The following C1GALT1 variants were observed in gnomAD, a reference collection of about 807,000 sequenced individuals.
C1GALT1 encodes core 1 synthase, glycoprotein-N-acetylgalactosamine 3-beta-galactosyltransferase 1.
Under a neutral mutation model 31.0 loss-of-function variants are expected in C1GALT1, and 11 were observed. The observed-to-expected ratio is 0.36, with a 90% CI of 0.22 to 0.59. C1GALT1 has a LOEUF of 0.59. Among genes scored for constraint, C1GALT1 ranks in the 20% least tolerant of loss-of-function variants. The pLI, the probability that C1GALT1 is intolerant of heterozygous loss-of-function variation, is 0.79. For synonymous variants in C1GALT1, 175 were observed against 143.6 expected (o/e 1.22, Z -1.56); for missense variants, 424 against 425.2 (o/e 1.00, Z 0.03).
chr7:7,203,837 C>T (rs982885106), intron 1 of C1GALT1, among the ~76,000 whole-genome samples: 5 of 151,084 alleles, frequency 3.3e-5, no homozygotes, highest in Non-Finnish European at 5.9e-5. Flanking sequence ...TATCCTCCTC[C>T]TAGCTGTTTG....
At chr7:7,187,890 A>G (rs1369858219) in intron 1 of C1GALT1, among the ~76,000 whole-genome samples, 1 of 152,162 alleles carries the variant, frequency 6.6e-6, no homozygotes, top group Non-Finnish European at 1.5e-5. Flanking sequence ...CATAGCCTTT[A>G]TTTATATATC....
At chr7:7,210,077 C>T (rs1219778606) in intron 1 of C1GALT1, among the ~76,000 whole-genome samples, 1 of 152,154 alleles carries the variant, frequency 6.6e-6, no homozygotes, top group Non-Finnish European at 1.5e-5. Flanking sequence ...TTTTCAGTTA[C>T]TTCAGGCCAT....
intron 1 of C1GALT1, among the ~76,000 whole-genome samples, chr7:7,204,212 T>A (rs1268788423): frequency 6.6e-6 from 1 of 151,752 alleles, no homozygotes; most frequent in Non-Finnish European, 1.5e-5. Flanking sequence ...TGTCCAGGGC[T>A]TTTCTTTGTT....
intron 1 of C1GALT1, among the ~76,000 whole-genome samples, chr7:7,233,712 ACT>A (rs1317685790): frequency 1.3e-5 from 2 of 151,840 alleles, no homozygotes; most frequent in Non-Finnish European, 2.9e-5. Context: ...TTCAAATAAA[ACT>A]CTATTTACAA....
chr7:7,195,655 G>A (rs1029377925), intron 1 of C1GALT1, among the ~76,000 whole-genome samples: 2 of 141,666 alleles, frequency 1.4e-5, no homozygotes, highest in Admixed American at 6.8e-5. Context: ...GTAGTTGTTG[G>A]TAAATGTTCT....
rs975216604 is a variant in C1GALT1 at position 7,210,047 on chromosome 7, A to G, written c.-17-24256A>G. 5.3e-5 allele frequency among the ~76,000 whole-genome samples: 8 copies of G among 152,020 alleles called. No individual in the cohort carries two copies. In the East Asian group the frequency reaches 9.6e-4, roughly 18 times the overall value. On this transcript the variant is annotated intron_variant, in intron 1 of 3. Coordinates refer to ENST00000436587, the MANE Select transcript of C1GALT1 (RefSeq NM_020156.5). ...TCATCAGTTAAGGGAGGAACAGGCC[A>G]TTTTCACTTCTTTTGTGATTTTTCA...
chr7:7,222,900 G>GTTT (rs386409457), intron 1 of C1GALT1, among the ~76,000 whole-genome samples: 5,336 of 107,140 alleles, frequency 0.05, 167 homozygotes, highest in African/African-American at 0.17. Context: ...AGGTATGTGA[G>GTTT]TTTTTTTTTG....
In C1GALT1 at chr7:7,243,686, A is replaced by C. The variant is rs762282109; in HGVS notation, c.1051A>C (p.Asn351His). The C allele has an allele frequency of 1.2e-6, 2 of 1,604,240 alleles. No individual in the cohort carries two copies. The highest frequency in any genetic ancestry group is 2.7e-5 in the African/African-American group (2 of 74,416). The change falls in exon 4 of 4, where the codon AAC becomes CAC. Residue 351 changes from asparagine to histidine, a missense_variant. Physicochemically the swap from Asn to His is moderately conservative, Grantham distance 68 (BLOSUM62 1). Around this residue, in one of 3 missense-constraint regions of C1GALT1, gnomAD observed 191 missense variants for 188.8 expected, o/e 1.01. Transcript: ENST00000436587. ...ERILKEISQA[N>H]KNEDTKVKLG... Reference sequence around the variant, plus strand: ...TATACTAAAGGAAATTAGTCAAGCAAACAAAAATGAAGATACAAAAGTGAA... The same window carrying C: ...TATACTAAAGGAAATTAGTCAAGCACACAAAAATGAAGATACAAAAGTGAA...
In C1GALT1 at chr7:7,157,913, C is replaced by T. The variant is rs963665464; in HGVS notation, c.-18+487C>T. Reference sequence around the variant, plus strand: ...TGCTAAAATTGCTGTATTTTCCTCCCAGGCATGTTTCAAATTGTTCTTTAT... The same window carrying T: ...TGCTAAAATTGCTGTATTTTCCTCCTAGGCATGTTTCAAATTGTTCTTTAT... On this transcript the variant is annotated intron_variant, in intron 2 of 3. Coordinates refer to the C1GALT1 transcript ENST00000429911. 2.6e-5 allele frequency among the ~76,000 whole-genome samples: 4 copies of T among 152,150 alleles called. No individual in the cohort carries two copies. The East Asian group carries it at 7.7e-4, about 29-fold the overall frequency.
At chr7:7,207,812 A>T (rs571636912) in intron 1 of C1GALT1, among the ~76,000 whole-genome samples, 1 of 149,488 alleles carries the variant, frequency 6.7e-6, no homozygotes, top group Admixed American at 6.7e-5. Flanking sequence ...TAATTGTTGC[A>T]GTCTCTTTGC....
At chr7:7,216,243 C>T (rs1782232298) in intron 1 of C1GALT1, among the ~76,000 whole-genome samples, 1 of 152,190 alleles carries the variant, frequency 6.6e-6, no homozygotes. Flanking sequence ...TCTTAGTCTC[C>T]TTCCTTTCTG....
intron 1 of C1GALT1, among the ~76,000 whole-genome samples, chr7:7,226,177 G>GATTT (rs1379852111): frequency 1.3e-5 from 2 of 152,036 alleles, no homozygotes; most frequent in African/African-American, 4.8e-5. Flanking sequence ...GTGACTGTAA[G>GATTT]ATTTATATCA....
rs899387411 is a variant in C1GALT1 at position 7,198,204 on chromosome 7, C to G, written c.-18+15384C>G. Among the ~76,000 whole-genome samples, 5 of 152,108 alleles carry G rather than the reference C, an allele frequency of 3.3e-5. No homozygotes were observed. In the South Asian group the frequency reaches 8.3e-4, roughly 25 times the overall value. ...AATAGCTTATTATTTTAAGATATGT[C>G]CCATCAATACCTAATTTATTGAGAG... On this transcript the variant is annotated intron_variant, in intron 1 of 3. Transcript: ENST00000436587.
In C1GALT1 at chr7:7,182,780, GC is replaced by G. The variant is rs1178187640; in HGVS notation, c.-52del. On this transcript the variant is annotated 5_prime_UTR_variant, in exon 1 of 4. Transcript: ENST00000436587. ...CCAGTCCCAAGTCGTCCCCCTCTCC[GC>G]CCCCCAGGAGGGGCGAGAGGGAGCC... The G allele has an allele frequency of 1.0e-6, 1 of 985,242 alleles. No individual in the cohort carries two copies. Among genetic ancestry groups the G allele is most frequent in the South Asian group, 4.7e-5 (1 of 21,290 alleles). The allele number at this position is 985,242 out of a possible 1,614,324, so 61.0% of individuals were successfully genotyped here.
chr7:7,239,107 C>G, intron 3 of C1GALT1, 185 bp downstream of exon 3: 2 of 582,898 alleles, frequency 3.4e-6, no homozygotes, highest in Non-Finnish European at 6.0e-6. Context: ...GCAGTAGTCA[C>G]TTAGCAAATA....
chr7:7,193,505 A>G (rs1359225634), intron 1 of C1GALT1, among the ~76,000 whole-genome samples: 1 of 152,092 alleles, frequency 6.6e-6, no homozygotes, highest in African/African-American at 2.4e-5. Flanking sequence ...ATTCTGTTTC[A>G]TTGGTCTATG....
At chr7:7,190,872 T>A (rs555236350) in intron 1 of C1GALT1, among the ~76,000 whole-genome samples, 26 of 152,286 alleles carry the variant, frequency 1.7e-4, no homozygotes, top group Admixed American at 1.5e-3. Context: ...TATAATTTTT[T>A]AAAATCTTCC....
At chr7:7,232,233 T>C (rs1427155180) in intron 1 of C1GALT1, among the ~76,000 whole-genome samples, 1 of 152,214 alleles carries the variant, frequency 6.6e-6, no homozygotes, top group Non-Finnish European at 1.5e-5. Flanking sequence ...TTACATTTTG[T>C]TCAGTTTTTC....
At chr7:7,242,251 A>G (rs1783666926) in intron 3 of C1GALT1, among the ~76,000 whole-genome samples, 1 of 145,516 alleles carries the variant, frequency 6.9e-6, no homozygotes, top group African/African-American at 2.5e-5. Context: ...TGGCTACTAT[A>G]TGGCTTACAT....
Sources: gnomAD v4.1 joint callset for allele counts (sites outside exome capture counted in the v4.1 genomes callset) on GRCh38, gnomAD v4.1.1 for gene constraint, gnomAD v4.1.1 regional missense constraint, MANE v1.5 for transcripts, NCBI Gene and HGNC (gene_info 2026-07-23, HGNC 2026-07-21) for gene names.